Variants in GRM3 observed in about 807,000 individuals in gnomAD.
The protein encoded by GRM3 is metabotropic glutamate receptor 3.
A neutral mutation model predicts 70.5 loss-of-function variants in GRM3; 26 were observed. That is an observed-to-expected ratio of 0.37 (90% CI 0.27 to 0.51). The LOEUF (loss-of-function observed/expected upper bound fraction) is 0.51, where lower values mean the gene tolerates loss of function less well. GRM3 is among the 20% of genes least tolerant of loss of function. The probability of loss-of-function intolerance (pLI) is 0.93; values close to 1 mark genes in which losing one functional copy is unlikely to be tolerated. For missense variants in GRM3, 859 were observed against 1,123.8 expected (o/e 0.76, Z 3.37); for synonymous variants, 443 against 434.9 (o/e 1.02, Z -0.23).
intron 1 of GRM3, among the ~76,000 whole-genome samples, chr7:86,747,059 C>T (rs1239856110): frequency 6.6e-6 from 1 of 152,114 alleles, no homozygotes; most frequent in African/African-American, 2.4e-5. Context: ...CTGCTCTAAG[C>T]ACTCATAGGA....
At chr7:86,778,797 T>A (rs1403895367) in intron 2 of GRM3, among the ~76,000 whole-genome samples, 1 of 152,184 alleles carries the variant, frequency 6.6e-6, no homozygotes, top group Non-Finnish European at 1.5e-5. Context: ...TCATACTCAG[T>A]GCTAAAAGAC....
chr7:86,803,171 A>T (rs1008528534), intron 3 of GRM3, among the ~76,000 whole-genome samples: 1 of 152,222 alleles, frequency 6.6e-6, no homozygotes, highest in African/African-American at 2.4e-5. Flanking sequence ...TAAAGAAGAC[A>T]TTTATATCTT....
intron 1 of GRM3, among the ~76,000 whole-genome samples, chr7:86,746,069 A>G (rs1363977362): frequency 6.6e-6 from 1 of 151,872 alleles, no homozygotes; most frequent in Non-Finnish European, 1.5e-5. Context: ...TTTTTATCCA[A>G]CTTTGTCAAA....
chr7:86,659,681 A>G (rs1364181862), intron 1 of GRM3, among the ~76,000 whole-genome samples: 3 of 152,084 alleles, frequency 2.0e-5, no homozygotes, highest in African/African-American at 7.2e-5. Context: ...GTATAGTCAA[A>G]TATTGTATAG....
intron 1 of GRM3, among the ~76,000 whole-genome samples, chr7:86,759,512 AC>A (rs1796428110): frequency 1.3e-5 from 2 of 152,274 alleles, no homozygotes; most frequent in African/African-American, 4.8e-5. Context: ...TATTTAACCA[AC>A]TTTTGACAAC....
intron 1 of GRM3, among the ~76,000 whole-genome samples, chr7:86,661,004 C>T (rs1326585855): frequency 6.6e-6 from 1 of 151,874 alleles, no homozygotes; most frequent in Non-Finnish European, 1.5e-5. Context: ...TTCCTGTCCT[C>T]AAAGATCTTT....
intron 3 of GRM3, among the ~76,000 whole-genome samples, chr7:86,798,872 C>T (rs1249494802): frequency 5.0e-5 from 7 of 139,302 alleles, no homozygotes; most frequent in African/African-American, 1.9e-4. Context: ...GGAGAGTTCC[C>T]CTCTTCTTGC....
intron 5 of GRM3, among the ~76,000 whole-genome samples, chr7:86,857,258 T>G (rs903567767): frequency 1.3e-5 from 2 of 152,154 alleles, no homozygotes; most frequent in Admixed American, 1.3e-4. Flanking sequence ...ATAATGACAC[T>G]ACGTAGTAGC....
chr7:86,802,181 G>A (rs1797697304), intron 3 of GRM3, among the ~76,000 whole-genome samples: 2 of 152,054 alleles, frequency 1.3e-5, no homozygotes, highest in African/African-American at 4.8e-5. Flanking sequence ...TGTCTCAAAA[G>A]TGTTAAATGT....
intron 3 of GRM3, among the ~76,000 whole-genome samples, chr7:86,815,232 C>T (rs1797992375): frequency 6.6e-6 from 1 of 151,748 alleles, no homozygotes; most frequent in Non-Finnish European, 1.5e-5. Context: ...CTTACAGGAG[C>T]TTGCCTTCAC....
At chr7:86,792,686 G>T (rs1439001566) in intron 3 of GRM3, among the ~76,000 whole-genome samples, 1 of 152,172 alleles carries the variant, frequency 6.6e-6, no homozygotes, top group Non-Finnish European at 1.5e-5. Context: ...TGCAGTCCCT[G>T]CTTCATAGAG....
chr7:86,697,381 A>T (rs1371809743), intron 1 of GRM3, among the ~76,000 whole-genome samples: 1 of 152,074 alleles, frequency 6.6e-6, no homozygotes, highest in Non-Finnish European at 1.5e-5. Flanking sequence ...CTGAATTAGG[A>T]AAGGATGGAA....
At chr7:86,837,212 T>G (rs990283410) in intron 3 of GRM3, among the ~76,000 whole-genome samples, 1 of 152,198 alleles carries the variant, frequency 6.6e-6, no homozygotes, top group African/African-American at 2.4e-5. Flanking sequence ...GGCACCTATA[T>G]CCTTTAGACA....
chr7:86,763,827 A>G (rs1247015098), intron 1 of GRM3, among the ~76,000 whole-genome samples: 1 of 152,104 alleles, frequency 6.6e-6, no homozygotes, highest in Non-Finnish European at 1.5e-5. Context: ...TGTACTTTTA[A>G]AGGGGGTATC....
intron 1 of GRM3, among the ~76,000 whole-genome samples, chr7:86,717,343 ATG>A (rs1795341300): frequency 6.6e-6 from 1 of 151,992 alleles, no homozygotes; most frequent in African/African-American, 2.4e-5. Context: ...CCATTCAAGT[ATG>A]TGTGAGCAAT....
chr7:86,664,377 G>A (rs802422), intron 1 of GRM3, among the ~76,000 whole-genome samples: 51,581 of 151,692 alleles, frequency 0.34, 9,278 homozygotes, highest in African/African-American at 0.46. Context: ...CCATCTTGAT[G>A]TGTTTACAGT....
rs1797655289 is a variant in GRM3 at position 86,800,406 on chromosome 7, A to C, written c.1324+13290A>C. Among the ~76,000 whole-genome samples the C allele has an allele frequency of 2.0e-5, 3 of 152,178 alleles. No individual in the cohort carries two copies. The South Asian group carries it at 6.2e-4, about 32-fold the overall frequency. Reference sequence around the variant, plus strand: ...TAGATAGACTGCTGGCTAGACTAATAAAGAAAAGAGAGAAGAATCAAATAG... The same window carrying C: ...TAGATAGACTGCTGGCTAGACTAATCAAGAAAAGAGAGAAGAATCAAATAG... On this transcript the variant is annotated intron_variant, in intron 3 of 5. Coordinates refer to ENST00000361669, the MANE Select transcript of GRM3 (RefSeq NM_000840.3).
Position 86,781,701 on chromosome 7 carries a change from A to G in GRM3, c.469-4560A>G, listed in dbSNP as rs558424579. On this transcript the variant is annotated intron_variant, in intron 2 of 5. Transcript: ENST00000361669. ...TTAGATCATCTTCACAGTTTCTTCT[A>G]TCTCTACAATGTAAAGATCTTATTG... 9.1e-4 allele frequency among the ~76,000 whole-genome samples: 138 copies of G among 152,246 alleles called. 1 individual carries two copies. The highest frequency in any genetic ancestry group is 3.2e-3 in the African/African-American group (132 of 41,552).
chr7:86,787,515 T>G (rs2116553632), intron 3 of GRM3, among the ~76,000 whole-genome samples: 1 of 152,070 alleles, frequency 6.6e-6, no homozygotes, highest in African/African-American at 2.4e-5. Flanking sequence ...TCTTTGTGGG[T>G]GACTTGAGCA....
Sources: allele counts gnomAD v4.1 joint callset (sites outside exome capture counted in the v4.1 genomes callset), GRCh38; gene constraint gnomAD v4.1.1; transcripts MANE v1.5; gene names NCBI Gene and HGNC (gene_info 2026-07-23, HGNC 2026-07-21).